The following FHIT variants were observed in gnomAD, a reference collection of about 807,000 sequenced individuals.
FHIT encodes the protein bis(5'-adenosyl)-triphosphatase.
FHIT carries 19 observed loss-of-function variants against 17.9 expected under a neutral mutation model. The ratio of observed to expected loss-of-function variants is 1.06; its 90% CI spans 0.74 to 1.56. The LOEUF is 1.56. FHIT is among the 40% of genes most tolerant of loss of function. The probability of loss-of-function intolerance (pLI) is 0.00; values close to 1 mark genes in which losing one functional copy is unlikely to be tolerated. For missense variants in FHIT, 248 were observed against 189.2 expected (o/e 1.31, Z -1.82); for synonymous variants, 81 against 69.7 (o/e 1.16, Z -0.81).
intron 5 of FHIT, among the ~76,000 whole-genome samples, chr3:60,195,112 G>C (rs988804497): frequency 2.6e-5 from 4 of 152,076 alleles, no homozygotes; most frequent in African/African-American, 9.7e-5. Flanking sequence ...GTTGCAGTTA[G>C]CCAAGATCGC....
At chr3:60,795,076 T>C (rs1422923007) in intron 4 of FHIT, among the ~76,000 whole-genome samples, 2 of 152,218 alleles carry the variant, frequency 1.3e-5, no homozygotes, top group Non-Finnish European at 2.9e-5. Flanking sequence ...TTTACTCAAA[T>C]GTCGGTATAA....
At chr3:60,522,757 C>T (rs563814722) in intron 5 of FHIT, among the ~76,000 whole-genome samples, 9 of 152,286 alleles carry the variant, frequency 5.9e-5, no homozygotes, top group African/African-American at 2.2e-4. Context: ...GTGCACATTT[C>T]TGCATTTTTC....
At chr3:59,788,010 C>A (rs1699387042) in intron 8 of FHIT, among the ~76,000 whole-genome samples, 1 of 152,188 alleles carries the variant, frequency 6.6e-6, no homozygotes, top group African/African-American at 2.4e-5. Context: ...CCTTTAAGAA[C>A]AAAGTAGGCT....
At chr3:61,182,721 C>T (rs1229291878) in intron 2 of FHIT, among the ~76,000 whole-genome samples, 1 of 151,936 alleles carries the variant, frequency 6.6e-6, no homozygotes, top group Non-Finnish European at 1.5e-5. Flanking sequence ...GCCCTGAGAA[C>T]CTGAAGGAGC....
intron 3 of FHIT, among the ~76,000 whole-genome samples, chr3:60,992,483 A>T (rs1434448375): frequency 6.6e-6 from 1 of 152,368 alleles, no homozygotes; most frequent in Admixed American, 6.5e-5. Context: ...CAGGAAAACG[A>T]TGACCTCAGG....
At chr3:59,800,477 C>T (rs182112401) in intron 8 of FHIT, among the ~76,000 whole-genome samples, 49 of 152,316 alleles carry the variant, frequency 3.2e-4, no homozygotes, top group African/African-American at 1.1e-3. Flanking sequence ...CTAAGCAAAA[C>T]AGGTTTCTCA....
intron 4 of FHIT, among the ~76,000 whole-genome samples, chr3:60,642,258 G>A (rs1307163646): frequency 2.6e-5 from 4 of 152,112 alleles, no homozygotes; most frequent in African/African-American, 7.2e-5. Flanking sequence ...GGAAGGCGGG[G>A]GATGGAGAAT....
intron 3 of FHIT, among the ~76,000 whole-genome samples, chr3:60,947,859 T>C (rs77977535): frequency 0.014 from 2,206 of 152,314 alleles, 42 homozygotes; most frequent in African/African-American, 0.051. Flanking sequence ...TTTCTTGACA[T>C]TGCATTTGAT....
intron 4 of FHIT, among the ~76,000 whole-genome samples, chr3:60,648,213 A>T (rs1340818614): frequency 2.0e-5 from 3 of 152,204 alleles, no homozygotes; most frequent in Admixed American, 1.3e-4. Flanking sequence ...TTTATCAGGT[A>T]ATTGGAAGCT....
intron 5 of FHIT, among the ~76,000 whole-genome samples, chr3:60,092,446 G>A (rs888297286): frequency 6.6e-5 from 10 of 152,162 alleles, no homozygotes; most frequent in African/African-American, 2.2e-4. Context: ...TACTTTAGAG[G>A]TAATGTAAGA....
intron 5 of FHIT, among the ~76,000 whole-genome samples, chr3:60,424,323 A>C (rs1461948210): frequency 6.6e-6 from 1 of 152,168 alleles, no homozygotes; most frequent in Non-Finnish European, 1.5e-5. Flanking sequence ...AATATCGGAG[A>C]ACATGTTTTG....
intron 5 of FHIT, among the ~76,000 whole-genome samples, chr3:60,035,538 T>G (rs1180393644): frequency 1.3e-5 from 2 of 152,186 alleles, no homozygotes; most frequent in African/African-American, 4.8e-5. Flanking sequence ...TTTTTTATAC[T>G]GGTCAAAATT....
At chr3:59,973,916 A>C (rs1044235321) in intron 7 of FHIT, among the ~76,000 whole-genome samples, 4 of 152,030 alleles carry the variant, frequency 2.6e-5, no homozygotes, top group African/African-American at 9.7e-5. Context: ...AAGTAGGACC[A>C]GAGCAGCAGT....
At chr3:60,507,429 G>T (rs1044773564) in intron 5 of FHIT, among the ~76,000 whole-genome samples, 1 of 152,242 alleles carries the variant, frequency 6.6e-6, no homozygotes, top group African/African-American at 2.4e-5. Context: ...AAAAGCTAGG[G>T]TCTTTATCCT....
chr3:60,996,319 C>A (rs960759589), intron 3 of FHIT, among the ~76,000 whole-genome samples: 1 of 152,150 alleles, frequency 6.6e-6, no homozygotes, highest in African/African-American at 2.4e-5. Flanking sequence ...ATATGTGCTC[C>A]TCTAACTCTT....
intron 5 of FHIT, among the ~76,000 whole-genome samples, chr3:60,489,080 A>G (rs1361812186): frequency 6.6e-6 from 1 of 152,200 alleles, no homozygotes; most frequent in African/African-American, 2.4e-5. Flanking sequence ...TAAAAAGTAG[A>G]CATTTTGTCA....
chr3:60,645,283 C>T (rs1453969660), intron 4 of FHIT, among the ~76,000 whole-genome samples: 2 of 152,136 alleles, frequency 1.3e-5, no homozygotes, highest in Non-Finnish European at 2.9e-5. Context: ...CAAGCAGGAG[C>T]ATTCCTACCC....
At chr3:60,276,346 T>TGAA (rs1379674631) in intron 5 of FHIT, among the ~76,000 whole-genome samples, 1 of 152,176 alleles carries the variant, frequency 6.6e-6, no homozygotes, top group Non-Finnish European at 1.5e-5. Flanking sequence ...GTCCAGCAGA[T>TGAA]GAAGTCTAAA....
chr3:61,209,656 G>C (rs552051011), intron 1 of FHIT, among the ~76,000 whole-genome samples: 2 of 152,250 alleles, frequency 1.3e-5, no homozygotes, highest in South Asian at 2.1e-4. Flanking sequence ...TTGGTTTTCA[G>C]CTCCATCAAG....
Sources: gnomAD v4.1 joint callset for allele counts (sites outside exome capture counted in the v4.1 genomes callset) on GRCh38, gnomAD v4.1.1 for gene constraint, MANE v1.5 for transcripts, NCBI Gene and HGNC (gene_info 2026-07-23, HGNC 2026-07-21) for gene names.